The following ADGRV1 variants were observed in gnomAD, a reference collection of about 807,000 sequenced individuals.
ADGRV1 encodes adhesion G protein-coupled receptor V1.
In ADGRV1, 359 loss-of-function variants were observed where a neutral mutation model predicts 596.2. That is an observed-to-expected ratio of 0.60 (90% confidence interval 0.55 to 0.66). The LOEUF (loss-of-function observed/expected upper bound fraction) is 0.66. Ranked by LOEUF, ADGRV1 falls within the 30% of genes least tolerant of loss-of-function variation. ADGRV1 has a pLI of 0.00. For missense variants in ADGRV1, 7,274 were observed against 7,575.6 expected (o/e 0.96, Z 1.48); for synonymous variants, 2,681 against 2,679.2 (o/e 1.00, Z -0.02).
chr5:90,589,747 G>A (rs1282717566), intron 1 of ADGRV1, among the ~76,000 whole-genome samples: 1 of 152,056 alleles, frequency 6.6e-6, no homozygotes, highest in Non-Finnish European at 1.5e-5. Context: ...AATGATCTTA[G>A]TTTTAAGGTT....
chr5:90,581,753 C>T (rs975514004), intron 1 of ADGRV1, among the ~76,000 whole-genome samples: 3 of 152,182 alleles, frequency 2.0e-5, no homozygotes, highest in African/African-American at 7.2e-5. Context: ...AAATGCCGTG[C>T]TGGGTGAACC....
At chr5:90,761,505 A>C (rs1177660273) in intron 58 of ADGRV1, among the ~76,000 whole-genome samples, 2 of 152,256 alleles carry the variant, frequency 1.3e-5, no homozygotes, top group East Asian at 3.8e-4. Context: ...GTTTTTCATC[A>C]AACTTCTGGA....
intron 84 of ADGRV1, among the ~76,000 whole-genome samples, chr5:90,974,836 C>A (rs554281708): frequency 1.3e-5 from 2 of 152,080 alleles, no homozygotes; most frequent in Admixed American, 6.5e-5. Context: ...CAACCAAAGC[C>A]GAAATTGACA....
chr5:90,675,509 G>C (rs1773106690), intron 24 of ADGRV1, 64 bp downstream of exon 24: 1 of 1,422,452 alleles, frequency 7.0e-7, no homozygotes, highest in Admixed American at 1.9e-5. Context: ...TCCTTCTCTG[G>C]AAGGGATATA....
intron 59 of ADGRV1, among the ~76,000 whole-genome samples, chr5:90,764,283 C>T (rs1415939894): frequency 6.6e-6 from 1 of 152,184 alleles, no homozygotes; most frequent in African/African-American, 2.4e-5. Flanking sequence ...TCCCCAACTC[C>T]AGGGCAAGCA....
At chr5:90,647,914 T>TGG in intron 17 of ADGRV1, 150 bp downstream of exon 17, 1 of 686,094 alleles carries the variant, frequency 1.5e-6, no homozygotes, top group Non-Finnish European at 2.4e-6. Flanking sequence ...TCTTGAGAAA[T>TGG]GGGGTGAAGA....
In ADGRV1 at chr5:90,810,530, T is replaced by G; in HGVS notation, c.15270T>G (p.Phe5090Leu). 6.2e-7 allele frequency: 1 copy of G among 1,613,852 alleles called. No homozygotes were observed. The highest frequency in any genetic ancestry group is 8.5e-7 in the Non-Finnish European group (1 of 1,179,756). The stretch of plus-strand genomic sequence containing the variant: ...AGCTTTCTGAGATAGAAGAATTTTT[T>G]TACATTAACCTTACTTCAGTAGAAA... ...NDQLSEIEEF[F>L]YINLTSVEIR... Residue 5090 changes from phenylalanine to leucine, a missense_variant, in exon 74 of 90, where the codon TTT becomes TTG. Transcript: ENST00000405460.
At chr5:90,644,106 G>A (rs1767371288) in intron 14 of ADGRV1, 123 bp downstream of exon 14, 1 of 680,860 alleles carries the variant, frequency 1.5e-6, no homozygotes, top group Non-Finnish European at 2.3e-6. Flanking sequence ...ATTACACATA[G>A]TGCGGAAGTT....
intron 83 of ADGRV1, among the ~76,000 whole-genome samples, chr5:90,888,428 T>C (rs183500052): frequency 9.9e-5 from 15 of 152,268 alleles, no homozygotes; most frequent in African/African-American, 2.9e-4. Flanking sequence ...GTATTAAAAA[T>C]TGGTAACTAA....
intron 35 of ADGRV1, among the ~76,000 whole-genome samples, 157 bp downstream of exon 35, chr5:90,703,952 T>TA (rs1339454319): frequency 2.0e-5 from 3 of 152,220 alleles, no homozygotes; most frequent in Non-Finnish European, 4.4e-5. Context: ...TAATTGTTTT[T>TA]ATCTTCCTTC....
Position 90,742,836 on chromosome 5 carries a change from C to T in ADGRV1, c.10550-2210C>T, listed in dbSNP as rs117217627. On this transcript the variant is annotated intron_variant, in intron 50 of 89. Coordinates refer to ENST00000405460, the MANE Select transcript of ADGRV1 (RefSeq NM_032119.4). The stretch of plus-strand genomic sequence containing the variant: ...ACGGGGGTTGGTGATAGATTAGATA[C>T]GGAGGGAGACAAGAAAGAGGATGTC... 2.8e-4 allele frequency among the ~76,000 whole-genome samples: 42 copies of T among 152,162 alleles called. No individual in the cohort carries two copies. The East Asian group carries it at 3.1e-3, about 11-fold the overall frequency.
chr5:91,066,069 C>T (rs1475229233), intron 85 of ADGRV1, among the ~76,000 whole-genome samples: 1 of 152,210 alleles, frequency 6.6e-6, no homozygotes, highest in Non-Finnish European at 1.5e-5. Flanking sequence ...AGAACACATT[C>T]TCCTCACCTT....
chr5:90,801,573 G>C (rs1004367379), intron 70 of ADGRV1, among the ~76,000 whole-genome samples: 1 of 151,620 alleles, frequency 6.6e-6, no homozygotes, highest in Admixed American at 6.6e-5. Flanking sequence ...CATGTTCAGT[G>C]AATGTCATTT....
Position 90,756,586 on chromosome 5 carries a change from GA to G in ADGRV1, c.11717del (p.Asn3906MetfsTer29). The G allele has an allele frequency of 6.2e-7, 1 of 1,613,680 alleles. No homozygotes were observed. The highest frequency in any genetic ancestry group is 8.5e-7 in the Non-Finnish European group (1 of 1,179,648). ...GMEIAEIMIE[E>X]NDDPRGIFMF... ...GGAAATAGCTGAGATAATGATAGAA[GA>G]AAATGACGATCCCAGAGGAATTTTT... is the stretch of plus-strand genomic sequence containing the variant. On this transcript the variant is annotated frameshift_variant, in exon 56 of 90. Transcript: ENST00000405460. LOFTEE classifies it high-confidence loss of function.
chr5:90,747,252 C>A (rs6868595), intron 52 of ADGRV1, among the ~76,000 whole-genome samples: 1 of 152,026 alleles, frequency 6.6e-6, no homozygotes, highest in Non-Finnish European at 1.5e-5. Flanking sequence ...CCCTGCCCAT[C>A]TGGAGCAACA....
intron 27 of ADGRV1, among the ~76,000 whole-genome samples, chr5:90,683,016 CA>C (rs1353215741): frequency 5.9e-5 from 9 of 152,038 alleles, no homozygotes. Flanking sequence ...ACATTCCTTG[CA>C]ATGAAATATA....
At chr5:90,659,504 T>C (rs1769927126) in intron 21 of ADGRV1, among the ~76,000 whole-genome samples, 2 of 152,172 alleles carry the variant, frequency 1.3e-5, no homozygotes, top group South Asian at 4.1e-4. Flanking sequence ...CATGCCTGGG[T>C]AAAAGACTGT....
intron 87 of ADGRV1, among the ~76,000 whole-genome samples, chr5:91,107,524 G>A (rs1204288531): frequency 6.6e-6 from 1 of 152,204 alleles, no homozygotes; most frequent in Non-Finnish European, 1.5e-5. Flanking sequence ...GGAGCTGAAA[G>A]TGTGGAATGT....
At position 91,163,863 on chromosome 5, in the gene ADGRV1, A is replaced by C. The variant is rs1019787284; in HGVS notation, c.18884A>C (p.Glu6295Ala). 15 of 1,603,542 alleles carry C rather than the reference A, an allele frequency of 9.4e-6. No homozygotes were observed. The highest frequency in any genetic ancestry group is 1.3e-5 in the Non-Finnish European group (15 of 1,172,228). Residue 6295 changes from glutamate (E) to alanine (A), a missense_variant, in exon 90 of 90, where the codon GAG (glutamate) becomes GCG (alanine). Coordinates refer to ENST00000405460, the MANE Select transcript of ADGRV1 (RefSeq NM_032119.4). ...ACCTTGACTGACTCCCAGATCGTGG[A>C]GCTCAGGAGGATACCCATCGCCGAC... ...GGTLTDSQIV[E>A]LRRIPIADTH... is the part of the protein sequence containing the mutation.
Sources: gnomAD v4.1 joint callset for allele counts (sites outside exome capture counted in the v4.1 genomes callset) on GRCh38, gnomAD v4.1.1 for gene constraint, MANE v1.5 for transcripts, NCBI Gene and HGNC (gene_info 2026-07-23, HGNC 2026-07-21) for gene names.